IFI44L: variants seen among roughly 807,000 people sequenced by gnomAD.
IFI44L encodes the protein interferon-induced protein 44-like.
Under a neutral mutation model 39.3 loss-of-function variants are expected in IFI44L, and 40 were observed. The observed-to-expected ratio is 1.02, with a 90% CI of 0.79 to 1.33. IFI44L has a LOEUF of 1.33. Among genes scored for constraint, IFI44L ranks in the 40% most tolerant of loss-of-function variants. The probability of loss-of-function intolerance (pLI) is 0.00; values close to 1 mark genes in which losing one functional copy is unlikely to be tolerated. For synonymous variants in IFI44L, 198 were observed against 182.3 expected (o/e 1.09, Z -0.69); for missense variants, 623 against 549.0 (o/e 1.13, Z -1.35).
intron 1 of IFI44L, among the ~76,000 whole-genome samples, chr1:78,622,234 G>A (rs536364098): frequency 3.7e-4 from 56 of 152,064 alleles, no homozygotes; most frequent in Non-Finnish European, 7.1e-4. Context: ...CTCCAGTTCC[G>A]TCCATGTTGC....
rs749160138 is a variant in IFI44L, at chr1:78,627,993, T to G, written c.78T>G (p.Leu26=). 6 of 1,612,080 alleles carry G rather than the reference T, an allele frequency of 3.7e-6. No homozygotes were observed. Among genetic ancestry groups the G allele is most frequent in the Non-Finnish European group, 4.2e-6 (5 of 1,179,202 alleles). Residue 26 remains leucine (L), a synonymous_variant, in exon 2 of 9, where the codon CTT becomes CTG. Transcript: ENST00000370751. ...RKLLGNVSLS[L]LYKSSVHGGS... ...TGCTTGGAAATGTTTCTTTGAGTCT[T>G]CTCTATAAGTCTAGTGTTCATGGAG...
Position 78,627,936 on chromosome 1 carries a change from G to T in IFI44L, c.21G>T (p.Leu7Phe), listed in dbSNP as rs768135240. The change falls in exon 2 of 9, where the codon TTG (leucine) becomes TTT (phenylalanine). Residue 7 changes from leucine (L) to phenylalanine (F), a missense_variant. Transcript: ENST00000370751. MEVTTRLTWNDENHLRK... is the reference protein window; with the variant it reads MEVTTRFTWNDENHLRK... ...GAACAATGGAAGTGACAACAAGATT[G>T]ACATGGAATGATGAAAATCATCTGC... The T allele has an allele frequency of 6.2e-7, 1 of 1,601,182 alleles. No individual in the cohort carries two copies. Among genetic ancestry groups the T allele is most frequent in the Non-Finnish European group, 8.5e-7 (1 of 1,174,292 alleles).
rs1404992289 is a variant in IFI44L at position 78,642,332 on chromosome 1, A to G, written c.*523A>G. ...TCACATTCACTTTAAATTTTTCTGTATATAGAAAGGAAAACTAGCCTGGGC... is the reference window on the plus strand; with the variant it reads ...TCACATTCACTTTAAATTTTTCTGTGTATAGAAAGGAAAACTAGCCTGGGC... On this transcript the variant is annotated 3_prime_UTR_variant, in exon 9 of 9. Coordinates refer to ENST00000370751, the MANE Select transcript of IFI44L (RefSeq NM_006820.4). 1 of 150,752 alleles carries G rather than the reference A, an allele frequency of 6.6e-6. No homozygotes were observed. The highest frequency in any genetic ancestry group is 1.5e-5 in the Non-Finnish European group (1 of 67,792). The allele number at this position is 150,752 out of a possible 1,614,324, so 9.3% of individuals were successfully genotyped here. A position where few individuals can be genotyped will look rare whatever the true frequency, so the allele number is the denominator to read the frequency against.
rs1646999536 is a variant in IFI44L, at chr1:78,642,518, G to A, written c.*709G>A. ...TTGGAGGTGGAGGCTACAGTGAGCT[G>A]AGATTGTGCCACTGTACTCTAGCCA... On this transcript the variant is annotated 3_prime_UTR_variant, in exon 9 of 9. Coordinates refer to ENST00000370751, the MANE Select transcript of IFI44L (RefSeq NM_006820.4). The A allele has an allele frequency of 6.6e-6, 1 of 151,908 alleles. No homozygotes were observed. Among genetic ancestry groups the A allele is most frequent in the Non-Finnish European group, 1.5e-5 (1 of 68,014 alleles). 9.4% of individuals were successfully genotyped at this position (151,908 alleles called of 1,614,324 possible).
chr1:78,628,867 C>G, intron 2 of IFI44L, 84 bp from the exon 3 acceptor site: 1 of 921,684 alleles, frequency 1.1e-6, no homozygotes, highest in Non-Finnish European at 1.8e-6. Context: ...CAAGAAAACT[C>G]CATGTCTTAT....
At chr1:78,622,982 G>A (rs1404081706) in intron 1 of IFI44L, among the ~76,000 whole-genome samples, 3 of 152,194 alleles carry the variant, frequency 2.0e-5, no homozygotes, top group Non-Finnish European at 4.4e-5. Flanking sequence ...GAGAAACTGT[G>A]AGACTATAAA....
In IFI44L at chr1:78,641,977, G is replaced by T. The variant is rs1646992741; in HGVS notation, c.*168G>T. The T allele has an allele frequency of 1.4e-6, 1 of 728,710 alleles. No individual in the cohort carries two copies. The highest frequency in any genetic ancestry group is 2.5e-6 in the Non-Finnish European group (1 of 405,680). The allele number at this position is 728,710 out of a possible 1,614,324, so 45.1% of individuals were successfully genotyped here. On this transcript the variant is annotated 3_prime_UTR_variant, in exon 9 of 9. Coordinates refer to ENST00000370751, the MANE Select transcript of IFI44L (RefSeq NM_006820.4). ...AAGGCCAAAACCTGAGAAGCGGTGG[G>T]CTAAGATAGGTCCTACTGCAAACCA...
At chr1:78,631,087 A>G (rs1040586988) in intron 4 of IFI44L, among the ~76,000 whole-genome samples, 50 of 152,228 alleles carry the variant, frequency 3.3e-4, no homozygotes, top group South Asian at 2.1e-4. Flanking sequence ...TTTAAATTCC[A>G]AAGGTCTTAT....
intron 1 of IFI44L, among the ~76,000 whole-genome samples, chr1:78,622,130 A>G (rs559189080): frequency 1.4e-4 from 21 of 152,288 alleles, no homozygotes; most frequent in African/African-American, 4.8e-4. Flanking sequence ...TCATTATACT[A>G]TCCACATTTA....
rs77246942 is a variant in IFI44L, at chr1:78,625,258, C to G, written c.-10-2648C>G. Among the ~76,000 whole-genome samples the G allele has an allele frequency of 2.2e-3, 340 of 152,198 alleles. 1 individual carries two copies. The highest frequency in any genetic ancestry group is 7.9e-3 in the African/African-American group (329 of 41,546). ...TTCAAAATTTGGTAGAATTCAGCAG[C>G]TAGACTCTGATCCTTGAGTTTTCTT... is the stretch of plus-strand genomic sequence containing the variant. On this transcript the variant is annotated intron_variant, in intron 1 of 8. Coordinates refer to ENST00000370751, the MANE Select transcript of IFI44L (RefSeq NM_006820.4).
chr1:78,636,852 A>G, intron 5 of IFI44L, 180 bp from the exon 6 acceptor site: 1 of 518,262 alleles, frequency 1.9e-6, no homozygotes, highest in African/African-American at 2.0e-5. Flanking sequence ...TAAGAGAGAT[A>G]TAATGGCATT....
intron 6 of IFI44L, 34 bp from the exon 7 acceptor site, chr1:78,640,987 G>T: frequency 2.1e-6 from 3 of 1,420,972 alleles, no homozygotes; most frequent in South Asian, 1.2e-5. Flanking sequence ...TGCTATTTAT[G>T]ATATAAAATA....
chr1:78,638,958 A>T (rs535142838), intron 6 of IFI44L, among the ~76,000 whole-genome samples: 11 of 152,220 alleles, frequency 7.2e-5, no homozygotes, highest in African/African-American at 2.4e-4. Context: ...TAGCAAACAT[A>T]TTCTGATACT....
In IFI44L at chr1:78,642,856, A is replaced by G. The variant is rs1221844323; in HGVS notation, c.*1047A>G. The G allele has an allele frequency of 6.6e-6, 1 of 152,026 alleles. No individual in the cohort carries two copies. The highest frequency in any genetic ancestry group is 2.4e-5 in the African/African-American group (1 of 41,408). 9.4% of individuals were successfully genotyped at this position (152,026 alleles called of 1,614,324 possible). On this transcript the variant is annotated 3_prime_UTR_variant, in exon 9 of 9. Transcript: ENST00000370751. ...AATCATCCTAGCCATGTGTCCTTCC[A>G]TTTAGGTTACTGGGGCAAATCAGTA...
rs370772828 is a variant in IFI44L, at chr1:78,628,265, C to T, written c.350C>T (p.Ser117Leu). The part of the protein sequence containing the change: ...IIDEQLVCRL[S>L]KTDIFIICRD... ...GATGAGCAACTGGTGTGTCGTTTAT[C>T]GAAAACGGATATTTTCATTATATGT... Residue 117 changes from serine to leucine, a missense_variant, in exon 2 of 9, where the codon TCG becomes TTG. By Grantham distance (145) the Ser-to-Leu change is moderately radical. Transcript: ENST00000370751. The T allele has an allele frequency of 9.3e-6, 15 of 1,609,958 alleles. No homozygotes were observed. Among genetic ancestry groups the T allele is most frequent in the African/African-American group, 6.7e-5 (5 of 74,854 alleles).
rs1458462478 is a variant in IFI44L, at chr1:78,643,585, GA to G, written c.*1779del. 1 of 151,488 alleles carries G rather than the reference GA, an allele frequency of 6.6e-6. No homozygotes were observed. The highest frequency in any genetic ancestry group is 1.5e-5 in the Non-Finnish European group (1 of 67,838). The allele number at this position is 151,488 out of a possible 1,614,324, so 9.4% of individuals were successfully genotyped here. Reference sequence around the variant, plus strand: ...GCTGATTTGTTGGGGTATAGGGAATGAAATGAAACATACAGAGATGAAAACT... The same window carrying G: ...GCTGATTTGTTGGGGTATAGGGAATGAATGAAACATACAGAGATGAAAACT... On this transcript the variant is annotated 3_prime_UTR_variant, in exon 9 of 9. Coordinates refer to ENST00000370751, the MANE Select transcript of IFI44L (RefSeq NM_006820.4).
chr1:78,645,571 TCTC>T lies in IFI44L; in HGVS notation c.*3765_*3767del, dbSNP rs1647037115. 6.6e-6 allele frequency: 1 copy of T among 152,158 alleles called. No individual in the cohort carries two copies. Among genetic ancestry groups the T allele is most frequent in the Admixed American group, 6.6e-5 (1 of 15,264 alleles). The allele number at this position is 152,158 out of a possible 1,614,324, so 9.4% of individuals were successfully genotyped here. The stretch of plus-strand genomic sequence containing the variant: ...TTAATGATCAGCTGATGAATAATCA[TCTC>T]CTAGCAACATAACTCAATCTAATGC... On this transcript the variant is annotated 3_prime_UTR_variant, in exon 9 of 9. Transcript: ENST00000370751.
At chr1:78,627,847 C>T in intron 1 of IFI44L, 59 bp from the exon 2 acceptor site, 1 of 963,182 alleles carries the variant, frequency 1.0e-6, no homozygotes, top group East Asian at 2.9e-5. Flanking sequence ...AAGTGGAAAC[C>T]TAAGCTATAA....
At chr1:78,635,166 C>CAACA (rs1156991513) in intron 4 of IFI44L, among the ~76,000 whole-genome samples, 171 bp from the exon 5 acceptor site, 1 of 151,896 alleles carries the variant, frequency 6.6e-6, no homozygotes, top group Non-Finnish European at 1.5e-5. Flanking sequence ...CCCACATAAA[C>CAACA]AACAGATCTT....
Sources: allele counts gnomAD v4.1 joint callset (sites outside exome capture counted in the v4.1 genomes callset), GRCh38; gene constraint gnomAD v4.1.1; transcripts MANE v1.5; gene names NCBI Gene and HGNC (gene_info 2026-07-23, HGNC 2026-07-21).